Variants in GPHN observed in about 807,000 individuals in gnomAD.
The protein encoded by GPHN is gephyrin.
Under a neutral mutation model 95.5 loss-of-function variants are expected in GPHN, and 17 were observed. The ratio of observed to expected loss-of-function variants is 0.18; its 90% CI spans 0.12 to 0.27. The LOEUF (loss-of-function observed/expected upper bound fraction) is 0.27, where lower values mean the gene tolerates loss of function less well. Ranked by LOEUF, GPHN falls within the 10% of genes least tolerant of loss-of-function variation. The pLI is 1.00. For missense variants in GPHN, 660 were observed against 978.1 expected (o/e 0.67, Z 4.34); for synonymous variants, 320 against 322.5 (o/e 0.99, Z 0.08).
intron 4 of GPHN, among the ~76,000 whole-genome samples, chr14:66,835,350 G>T (rs2061752979): frequency 6.6e-6 from 1 of 151,268 alleles, no homozygotes; most frequent in Non-Finnish European, 1.5e-5. Context: ...GTGATGTGAG[G>T]GTGTCAATTT....
At chr14:67,193,344 A>ATATATC in the GPHN span, among the ~76,000 whole-genome samples, 3 of 138,550 alleles carry the variant, frequency 2.2e-5, no homozygotes, top group Non-Finnish European at 3.1e-5. Context: ...ATAGATATCT[A>ATATATC]TCTATATAGA....
At chr14:67,576,300 A>C in the GPHN span, 1 of 684,862 alleles carries the variant, frequency 1.5e-6, no homozygotes, top group African/African-American at 1.8e-5. This position sits in a 1 kb window ranked among gnomAD's most constrained non-coding sequence, Gnocchi z 4.0. Flanking sequence ...GCTGAACCCC[A>C]CATGGGCTTG....
the GPHN span, chr14:67,333,427 C>T: frequency 6.6e-6 from 1 of 152,650 alleles, no homozygotes; most frequent in South Asian, 2.1e-4. Flanking sequence ...GCAGTATTTG[C>T]TTAGGAAACT....
At chr14:67,442,436 G>C in the GPHN span, among the ~76,000 whole-genome samples, 1 of 152,154 alleles carries the variant, frequency 6.6e-6, no homozygotes, top group Non-Finnish European at 1.5e-5. Flanking sequence ...AATTGTGTGT[G>C]TGTGTACTTC....
intron 2 of GPHN, among the ~76,000 whole-genome samples, chr14:66,703,156 C>G (rs946056520): frequency 7.2e-5 from 11 of 152,124 alleles, no homozygotes; most frequent in African/African-American, 2.7e-4. Flanking sequence ...TTTAAAAAGA[C>G]CAAATCTATG....
chr14:66,671,171 A>C (rs543870436), intron 1 of GPHN, among the ~76,000 whole-genome samples: 2 of 152,180 alleles, frequency 1.3e-5, no homozygotes, highest in Admixed American at 1.3e-4. Flanking sequence ...ATCTTGATCC[A>C]TTATCTTGAT....
At chr14:67,409,773 A>G in the GPHN span, among the ~76,000 whole-genome samples, 2 of 151,806 alleles carry the variant, frequency 1.3e-5, no homozygotes, top group African/African-American at 4.8e-5. Context: ...GCCCTGCCCC[A>G]CCTCTGAGCT....
the GPHN span, chr14:67,586,733 C>G: frequency 3.5e-6 from 4 of 1,138,502 alleles, no homozygotes; most frequent in Non-Finnish European, 4.5e-6. Flanking sequence ...CAAACCTACT[C>G]CTCCTTTAAT....
At chr14:67,246,497 G>C in the GPHN span, among the ~76,000 whole-genome samples, 1 of 151,944 alleles carries the variant, frequency 6.6e-6, no homozygotes, top group Non-Finnish European at 1.5e-5. Context: ...ATGCCACCAT[G>C]CCAGGCCGAT....
intron 2 of GPHN, among the ~76,000 whole-genome samples, chr14:66,737,718 T>G (rs2072420518): frequency 6.6e-6 from 1 of 152,212 alleles, no homozygotes; most frequent in South Asian, 2.1e-4. Flanking sequence ...TTTTCTGGAT[T>G]TATGATTCTT....
chr14:67,199,090 A>C, the GPHN span: 1 of 1,052,396 alleles, frequency 9.5e-7, no homozygotes. Flanking sequence ...TCCGAGCGGA[A>C]CCAGGATGCC....
chr14:66,720,204 C>T (rs561221782), intron 2 of GPHN, among the ~76,000 whole-genome samples: 185 of 152,142 alleles, frequency 1.2e-3, no homozygotes, highest in African/African-American at 4.1e-3. Context: ...AGTACATTTT[C>T]AATTGTCTAA....
At chr14:67,729,181 T>C in the GPHN span, 20 of 1,612,826 alleles carry the variant, frequency 1.2e-5, no homozygotes, top group Admixed American at 1.3e-4. Context: ...TTGTGCCCTC[T>C]TTGTCCCAGG....
At chr14:67,312,701 C>T in the GPHN span, 5 of 1,605,736 alleles carry the variant, frequency 3.1e-6, no homozygotes, top group Non-Finnish European at 4.3e-6. Context: ...TCTAGCCGGG[C>T]TTGTTCCAGG....
chr14:67,342,055 T>C, the GPHN span, among the ~76,000 whole-genome samples: 13 of 152,174 alleles, frequency 8.5e-5, no homozygotes, highest in South Asian at 2.5e-3. Context: ...TGCGGAAGTC[T>C]GCAGGGTCCT....
At chr14:67,018,059 C>T (rs1430448049) in intron 9 of GPHN, among the ~76,000 whole-genome samples, 1 of 152,002 alleles carries the variant, frequency 6.6e-6, no homozygotes, top group African/African-American at 2.4e-5. Context: ...CTCTAAGAAC[C>T]TGCAGTCTAC....
chr14:66,955,083 G>A (rs1177746997), intron 8 of GPHN, among the ~76,000 whole-genome samples: 1 of 152,060 alleles, frequency 6.6e-6, no homozygotes, highest in Non-Finnish European at 1.5e-5. Flanking sequence ...TTGTTCTTAT[G>A]ATGTCATTGT....
intron 1 of GPHN, among the ~76,000 whole-genome samples, chr14:66,615,146 A>AT (rs1193594109): frequency 2.0e-5 from 3 of 152,088 alleles, no homozygotes; most frequent in Admixed American, 2.0e-4. Flanking sequence ...TGTCTTTGCT[A>AT]TTGTAAATAG....
intron 13 of GPHN, among the ~76,000 whole-genome samples, chr14:67,101,783 G>A (rs1234327408): frequency 1.3e-5 from 2 of 151,378 alleles, no homozygotes; most frequent in African/African-American, 4.8e-5. Context: ...CATTTTTAAT[G>A]GAGGTTTCCA....
Sources: gnomAD v4.1 joint callset for allele counts (sites outside exome capture counted in the v4.1 genomes callset) on GRCh38, gnomAD v4.1.1 for gene constraint, Gnocchi (gnomAD v3.1) non-coding constraint, MANE v1.5 for transcripts, NCBI Gene and HGNC (gene_info 2026-07-23, HGNC 2026-07-21) for gene names.